The following STK39 variants were observed in gnomAD, a reference collection of about 807,000 sequenced individuals.
STK39 encodes the protein serine/threonine kinase 39.
In STK39, 20 loss-of-function variants were observed where a neutral mutation model predicts 77.8. The ratio of observed to expected loss-of-function variants is 0.26; its 90% confidence interval spans 0.18 to 0.37. The LOEUF is 0.37. Among genes scored for constraint, STK39 ranks in the 10% least tolerant of loss-of-function variants. The pLI, the probability that STK39 is intolerant of heterozygous loss-of-function variation, is 1.00. For synonymous variants in STK39, 246 were observed against 234.1 expected (o/e 1.05, Z -0.47); for missense variants, 479 against 656.5 (o/e 0.73, Z 2.95).
chr2:167,963,328 G>C (rs1317803568), intron 17 of STK39, among the ~76,000 whole-genome samples: 1 of 152,062 alleles, frequency 6.6e-6, no homozygotes, highest in East Asian at 1.9e-4. Flanking sequence ...AGTAGGAAAG[G>C]GCCAGGGTTA....
chr2:168,057,798 G>T (rs1356037407), intron 14 of STK39, among the ~76,000 whole-genome samples: 1 of 152,048 alleles, frequency 6.6e-6, no homozygotes, highest in African/African-American at 2.4e-5. Flanking sequence ...TTCCAGGCAA[G>T]GTACAGTCTC....
chr2:168,230,614 C>T (rs947289481), intron 1 of STK39, among the ~76,000 whole-genome samples: 2 of 152,150 alleles, frequency 1.3e-5, no homozygotes, highest in African/African-American at 4.8e-5. Context: ...TTTTGGGATG[C>T]TTTGTTACAC....
In STK39 at chr2:168,185,709, T is replaced by C. The variant is rs185035981; in HGVS notation, c.209-3619A>G. On this transcript the variant is annotated intron_variant, in intron 1 of 17. Transcript: ENST00000355999. The stretch of plus-strand genomic sequence containing the variant: ...TGCAAAAATCACTACTATTGTCAAA[T>C]GCAGTTTCAACAGTATGTTCAAAGT... 1.6e-3 allele frequency among the ~76,000 whole-genome samples: 249 copies of C among 152,350 alleles called. 1 individual carries two copies. The highest frequency in any genetic ancestry group is 5.7e-3 in the African/African-American group (238 of 41,590).
intron 14 of STK39, among the ~76,000 whole-genome samples, chr2:168,020,013 TAA>T (rs1684532039): frequency 6.6e-6 from 1 of 152,132 alleles, no homozygotes; most frequent in East Asian, 1.9e-4. Context: ...CAAAGTTTCT[TAA>T]TAAACTACCA....
Position 167,998,389 on chromosome 2 carries a change from C to T in STK39, c.1498+14245G>A, listed in dbSNP as rs576110228. Among the ~76,000 whole-genome samples the T allele has an allele frequency of 7.2e-5, 11 of 152,292 alleles. No individual in the cohort carries two copies. The East Asian group carries it at 2.1e-3, about 29-fold the overall frequency. ...TAATGGACTTGAAATGGCAGGTTTG[C>T]TTTAGCCCAATGAACATGAATATTT... On this transcript the variant is annotated intron_variant, in intron 16 of 17. Transcript: ENST00000355999.
intron 5 of STK39, 71 bp from the exon 6 acceptor site, chr2:168,140,829 C>T: frequency 8.0e-7 from 1 of 1,249,956 alleles, no homozygotes; most frequent in Non-Finnish European, 1.1e-6. Flanking sequence ...ATTTTTTGAG[C>T]ATGTCTCTTC....
In STK39 at chr2:168,212,727, T is replaced by C. The variant is rs370552994; in HGVS notation, c.209-30637A>G. Among the ~76,000 whole-genome samples, 15 of 152,306 alleles carry C rather than the reference T, an allele frequency of 9.8e-5. No homozygotes were observed. The South Asian group carries it at 2.5e-3, about 25-fold the overall frequency. ...CTTTTTTGTAAACAGTAAATTATAA[T>C]AGTAAGTTACACGTGAAGACACTGT... is the stretch of plus-strand genomic sequence containing the variant. On this transcript the variant is annotated intron_variant, in intron 1 of 17. Transcript: ENST00000355999.
intron 10 of STK39, among the ~76,000 whole-genome samples, chr2:168,113,610 T>G (rs1209274891): frequency 6.6e-6 from 1 of 152,238 alleles, no homozygotes; most frequent in Non-Finnish European, 1.5e-5. Context: ...CAGATTTTTC[T>G]TTTTGTAAAG....
chr2:168,133,143 A>G (rs1687743847), intron 8 of STK39, among the ~76,000 whole-genome samples: 1 of 152,192 alleles, frequency 6.6e-6, no homozygotes, highest in Non-Finnish European at 1.5e-5. Flanking sequence ...GGAAGGGTCA[A>G]GTGTAGGATG....
chr2:168,024,779 G>C (rs1684655464), intron 14 of STK39, among the ~76,000 whole-genome samples: 1 of 152,172 alleles, frequency 6.6e-6, no homozygotes, highest in Non-Finnish European at 1.5e-5. Flanking sequence ...CAAACTCAAA[G>C]CAACTCTTAA....
intron 1 of STK39, among the ~76,000 whole-genome samples, chr2:168,223,765 G>A (rs1690236947): frequency 6.6e-6 from 1 of 152,044 alleles, no homozygotes; most frequent in Non-Finnish European, 1.5e-5. Flanking sequence ...GAACGGATCA[G>A]GCATCAAGTA....
intron 10 of STK39, among the ~76,000 whole-genome samples, chr2:168,098,365 T>C (rs1016972955): frequency 6.6e-6 from 1 of 152,188 alleles, no homozygotes; most frequent in Non-Finnish European, 1.5e-5. Context: ...TATCACAAGG[T>C]GGTTTTATAC....
intron 13 of STK39, among the ~76,000 whole-genome samples, chr2:168,064,102 G>A (rs116706984): frequency 0.011 from 1,723 of 152,206 alleles, 38 homozygotes; most frequent in African/African-American, 0.039. Flanking sequence ...CCTTATTGTT[G>A]GAGTAGAAAA....
intron 5 of STK39, among the ~76,000 whole-genome samples, chr2:168,145,876 A>G (rs1426047931): frequency 6.6e-6 from 1 of 152,178 alleles, no homozygotes; most frequent in Admixed American, 6.5e-5. Flanking sequence ...CTGATTGTCC[A>G]AAGGGGTTAT....
rs181548225 is a variant in STK39, at chr2:167,967,803, T to C, written c.1499-3077A>G. Among the ~76,000 whole-genome samples, 609 of 152,120 alleles carry C rather than the reference T, an allele frequency of 4.0e-3. 6 individuals carry two copies. Among genetic ancestry groups the C allele is most frequent in the African/African-American group, 0.014 (576 of 41,442 alleles). On this transcript the variant is annotated intron_variant, in intron 16 of 17. Coordinates refer to ENST00000355999, the MANE Select transcript of STK39 (RefSeq NM_013233.3). ...TCTCCACATTTTTTAAAATATAATT[T>C]CAACTTTTATTTCAGATTCAGGGGT...
chr2:168,123,697 C>T (rs565269103), intron 10 of STK39, among the ~76,000 whole-genome samples: 8 of 151,898 alleles, frequency 5.3e-5, no homozygotes, highest in African/African-American at 1.2e-4. Flanking sequence ...GGTGAAATCC[C>T]GTCTCTTCTA....
chr2:168,152,041 G>C (rs991959749), intron 5 of STK39, among the ~76,000 whole-genome samples: 6 of 152,194 alleles, frequency 3.9e-5, no homozygotes, highest in African/African-American at 1.4e-4. Flanking sequence ...AAGAAGTAGA[G>C]TCACTGGTCA....
chr2:167,997,197 T>C (rs1683867806), intron 16 of STK39, among the ~76,000 whole-genome samples: 2 of 151,858 alleles, frequency 1.3e-5, no homozygotes, highest in South Asian at 2.1e-4. Flanking sequence ...ACAGTGAATC[T>C]TGTGGACTAT....
intron 10 of STK39, among the ~76,000 whole-genome samples, chr2:168,078,573 G>A (rs1021323528): frequency 6.6e-6 from 1 of 152,160 alleles, no homozygotes; most frequent in African/African-American, 2.4e-5. Context: ...TGGGGAGGAA[G>A]GATATGAAGA....
Sources: allele counts gnomAD v4.1 joint callset (sites outside exome capture counted in the v4.1 genomes callset), GRCh38; gene constraint gnomAD v4.1.1; transcripts MANE v1.5; gene names NCBI Gene and HGNC (gene_info 2026-07-23, HGNC 2026-07-21).